The following LARGE1 variants were observed in gnomAD, a reference collection of about 807,000 sequenced individuals.
LARGE1 encodes the protein LARGE xylosyl- and glucuronyltransferase 1, also known as xylosyl- and glucuronyltransferase LARGE1.
LARGE1 carries 43 observed loss-of-function variants against 87.6 expected under a neutral mutation model. The ratio of observed to expected loss-of-function variants is 0.49; its 90% CI spans 0.38 to 0.63. The LOEUF (loss-of-function observed/expected upper bound fraction) is 0.63. LARGE1 is among the 30% of genes least tolerant of loss of function. The pLI is 0.00. For synonymous variants in LARGE1, 434 were observed against 394.6 expected, an observed-to-expected ratio of 1.10 and a Z score of -1.18; for missense variants, 802 against 1,000.2, an observed-to-expected ratio of 0.80 and a Z score of 2.67.
chr22:33,414,701 T>C (rs548691136), intron 7 of LARGE1, among the ~76,000 whole-genome samples: 1 of 152,306 alleles, frequency 6.6e-6, no homozygotes, highest in East Asian at 1.9e-4. Flanking sequence ...AAAATCCATA[T>C]GTTGAAATCC....
chr22:33,095,131 A>G, the LARGE1 span, among the ~76,000 whole-genome samples: 1 of 152,202 alleles, frequency 6.6e-6, no homozygotes, highest in African/African-American at 2.4e-5. Context: ...CGGAGTCTAT[A>G]TTCCTTTCCT....
intron 2 of LARGE1, among the ~76,000 whole-genome samples, chr22:33,660,538 C>T (rs145971148): frequency 1.3e-5 from 2 of 152,316 alleles, no homozygotes; most frequent in East Asian, 3.9e-4. Context: ...AAACTTCAAT[C>T]ACTTTTACAC....
chr22:33,904,589 A>T (rs1329470540), intron 1 of LARGE1, among the ~76,000 whole-genome samples: 2 of 152,178 alleles, frequency 1.3e-5, no homozygotes, highest in African/African-American at 2.4e-5. Context: ...GCCAATACAG[A>T]AGAAGGCAGA....
chr22:33,621,391 T>C (rs1212772976), intron 4 of LARGE1, among the ~76,000 whole-genome samples: 8 of 152,226 alleles, frequency 5.3e-5, no homozygotes, highest in Non-Finnish European at 5.9e-5. Flanking sequence ...AGTGTGTCTA[T>C]ATTACTCTTT....
intron 11 of LARGE1, among the ~76,000 whole-genome samples, chr22:33,264,168 C>T (rs183651113): frequency 2.7e-3 from 415 of 152,284 alleles, no homozygotes; most frequent in Non-Finnish European, 4.5e-3. Flanking sequence ...GACATGGAAA[C>T]TGAGCTCCAG....
At chr22:33,696,063 T>C (rs1163379093) in intron 2 of LARGE1, among the ~76,000 whole-genome samples, 5 of 152,200 alleles carry the variant, frequency 3.3e-5, no homozygotes, top group African/African-American at 1.2e-4. Flanking sequence ...ATTGCTAATC[T>C]GTTTTTACTG....
intron 3 of LARGE1, among the ~76,000 whole-genome samples, chr22:33,646,971 C>T (rs2080637446): frequency 6.6e-6 from 1 of 152,204 alleles, no homozygotes; most frequent in South Asian, 2.1e-4. Flanking sequence ...TCAGGTGATC[C>T]ACCCGCCTTG....
intron 9 of LARGE1, among the ~76,000 whole-genome samples, chr22:33,355,188 C>T (rs1018420589): frequency 6.6e-6 from 1 of 152,144 alleles, no homozygotes; most frequent in African/African-American, 2.4e-5. Context: ...CTTTTAGGCC[C>T]CTGTGTTCAT....
At chr22:33,453,116 T>C (rs764898380) in intron 6 of LARGE1, among the ~76,000 whole-genome samples, 2 of 152,264 alleles carry the variant, frequency 1.3e-5, no homozygotes, top group East Asian at 1.9e-4. Context: ...AGCTAAGACA[T>C]TGAAAGGTTG....
chr22:33,310,103 G>A (rs924735899), intron 11 of LARGE1, among the ~76,000 whole-genome samples: 5 of 152,184 alleles, frequency 3.3e-5, no homozygotes, highest in Admixed American at 1.3e-4. Flanking sequence ...CACCACCCGA[G>A]ATTCTGGTTC....
intron 2 of LARGE1, among the ~76,000 whole-genome samples, chr22:33,749,441 C>T (rs1435808046): frequency 2.0e-5 from 3 of 152,186 alleles, no homozygotes; most frequent in Admixed American, 6.5e-5. Flanking sequence ...GGAGAAGAAA[C>T]TGACCTGCAA....
At chr22:33,209,699 G>A (rs1264826646) in intron 11 of LARGE1, among the ~76,000 whole-genome samples, 1 of 152,176 alleles carries the variant, frequency 6.6e-6, no homozygotes, top group Non-Finnish European at 1.5e-5. Flanking sequence ...AGGCTGGAGT[G>A]CCATGGTGTA....
At chr22:33,124,368 G>GGAAGGAAAGAAGGAA in the LARGE1 span, among the ~76,000 whole-genome samples, 1 of 149,874 alleles carries the variant, frequency 6.7e-6, no homozygotes. Context: ...AAGGAAGGAA[G>GGAAGGAAAGAAGGAA]GAAGGAAGGA....
In LARGE1 at chr22:33,387,388, C is replaced by G. The variant is rs137888463; in HGVS notation, c.893-3084G>C. On this transcript the variant is annotated intron_variant, in intron 7 of 14. Transcript: ENST00000397394. The stretch of plus-strand genomic sequence containing the variant: ...GATGCGGTGAGCTGAGATTGCACCA[C>G]TGTCCTCCAGTGGGGGTAACAGAGT... Among the ~76,000 whole-genome samples the G allele has an allele frequency of 2.8e-3, 385 of 139,306 alleles. 9 individuals carry two copies. The highest frequency in any genetic ancestry group is 0.01 in the African/African-American group (365 of 35,734). The allele number at this position is 139,306 out of a possible 152,430, so 91.4% of individuals were successfully genotyped here.
chr22:33,283,467 T>C (rs1325305706), intron 12 of LARGE1, 119 bp from the exon 13 acceptor site: 2 of 1,115,658 alleles, frequency 1.8e-6, no homozygotes, highest in Admixed American at 3.7e-5. Flanking sequence ...GCTCAGGTCA[T>C]CCTCTCAATT....
At chr22:33,157,213 T>A in the LARGE1 span, among the ~76,000 whole-genome samples, 1 of 148,064 alleles carries the variant, frequency 6.8e-6, no homozygotes, top group African/African-American at 2.5e-5. Context: ...AGTGAATCAT[T>A]ATGAAGTAAG....
intron 6 of LARGE1, among the ~76,000 whole-genome samples, chr22:33,527,395 A>G (rs1050591793): frequency 6.6e-6 from 1 of 152,206 alleles, no homozygotes; most frequent in African/African-American, 2.4e-5. Context: ...ACCACGTGGA[A>G]GGAGCTCAAA....
intron 7 of LARGE1, among the ~76,000 whole-genome samples, chr22:33,387,809 A>G (rs763599659): frequency 1.2e-4 from 18 of 152,256 alleles, no homozygotes; most frequent in Non-Finnish European, 2.4e-4. Context: ...AACTATTTCA[A>G]AACAATAGAA....
chr22:33,141,045 G>C, the LARGE1 span, among the ~76,000 whole-genome samples: 1 of 152,072 alleles, frequency 6.6e-6, no homozygotes, highest in African/African-American at 2.4e-5. Flanking sequence ...AGTCATTAAA[G>C]CTCTTCATGC....
Sources: allele counts gnomAD v4.1 joint callset (sites outside exome capture counted in the v4.1 genomes callset), GRCh38; gene constraint gnomAD v4.1.1; transcripts MANE v1.5; gene names NCBI Gene and HGNC (gene_info 2026-07-23, HGNC 2026-07-21).